GART: variants seen among roughly 807,000 people sequenced by gnomAD.
GART encodes the protein trifunctional purine biosynthetic protein adenosine-3.
In GART, 43 loss-of-function variants were observed where a neutral mutation model predicts 107.2. The observed-to-expected ratio is 0.40, with a 90% CI of 0.31 to 0.52. GART has a LOEUF of 0.52. Ranked by LOEUF, GART falls within the 20% of genes least tolerant of loss-of-function variation. The pLI is 0.52. For synonymous variants in GART, 434 were observed against 427.0 expected (o/e 1.02, Z -0.20); for missense variants, 1,107 against 1,206.5 (o/e 0.92, Z 1.22).
At chr21:33,516,847 G>T in intron 16 of GART, 142 bp downstream of exon 16, 1 of 660,174 alleles carries the variant, frequency 1.5e-6, no homozygotes, top group African/African-American at 1.8e-5. Context: ...GAAAAGGGTC[G>T]AGTTTTTCCC....
chr21:33,524,430 A>T (rs779115955), intron 11 of GART: 1 of 571,926 alleles, frequency 1.7e-6, no homozygotes, highest in East Asian at 1.4e-4. Context: ...CTGTGCCTGT[A>T]GTCCCAGCTA....
At chr21:33,518,130 G>A (rs1169289015) in intron 14 of GART, among the ~76,000 whole-genome samples, 1 of 152,138 alleles carries the variant, frequency 6.6e-6, no homozygotes, top group African/African-American at 2.4e-5. Flanking sequence ...TGGTTGAAAG[G>A]CAATTTTTGT....
intron 12 of GART, 32 bp from the exon 13 acceptor site, chr21:33,521,047 T>C: frequency 6.7e-7 from 1 of 1,502,868 alleles, no homozygotes; most frequent in Non-Finnish European, 9.2e-7. Context: ...ACTTGCTACA[T>C]TTTAATAGAT....
chr21:33,539,427 T>A, intron 1 of GART, 71 bp from the exon 2 acceptor site: 1 of 1,189,370 alleles, frequency 8.4e-7, no homozygotes, highest in Non-Finnish European at 1.2e-6. Context: ...GCACAGTGGC[T>A]CATGCCTGTA....
intron 11 of GART, among the ~76,000 whole-genome samples, chr21:33,523,702 C>T (rs1266420325): frequency 6.6e-6 from 1 of 152,022 alleles, no homozygotes; most frequent in Non-Finnish European, 1.5e-5. Flanking sequence ...CACGGTGGCT[C>T]ACGCCTGTAA....
Position 33,531,504 on chromosome 21 carries a change from G to T in GART, c.582C>A (p.Asp194Glu). 7.4e-6 allele frequency: 12 copies of T among 1,611,768 alleles called. No individual in the cohort carries two copies. Among genetic ancestry groups the T allele is most frequent in the Non-Finnish European group, 1.0e-5 (12 of 1,179,384 alleles). The change falls in exon 6 of 22, where the codon GAC becomes GAA. Residue 194 changes from aspartate (D) to glutamate (E), a missense_variant. Asp to Glu is a conservative substitution (Grantham distance 45, BLOSUM62 2). Transcript: ENST00000381815. ...GETIVIEELL[D>E]GEEVSCLCFT... ...ATATACATACCGACACCTCTTCTCCGTCAAGAAGTTCTTCAATGACAATTG... is the reference window on the plus strand; with the variant it reads ...ATATACATACCGACACCTCTTCTCCTTCAAGAAGTTCTTCAATGACAATTG...
At chr21:33,509,464 A>G (rs748533011) in intron 18 of GART, 5 of 214,602 alleles carry the variant, frequency 2.3e-5, no homozygotes, top group Non-Finnish European at 4.6e-5. Flanking sequence ...CTTCTAATTA[A>G]TAAGATAACA....
Position 33,517,805 on chromosome 21 carries a change from A to C in GART, c.1703-197T>G, listed in dbSNP as rs926695443. Among the ~76,000 whole-genome samples, 146 of 152,234 alleles carry C rather than the reference A, an allele frequency of 9.6e-4. 3 individuals carry two copies. Among genetic ancestry groups the C allele is most frequent in the Non-Finnish European group, 8.8e-5 (6 of 68,046 alleles). Reference sequence around the variant, plus strand: ...CAGGAGAAATAGCACTTGTTTCCACAAAGGGTGAGATTAGGTAGCACCTCT... The same window carrying C: ...CAGGAGAAATAGCACTTGTTTCCACCAAGGGTGAGATTAGGTAGCACCTCT... On this transcript the variant is annotated intron_variant, in intron 14 of 21. Coordinates refer to ENST00000381815, the MANE Select transcript of GART (RefSeq NM_000819.5).
chr21:33,530,992 GT>G (rs924741144), intron 6 of GART, 108 bp from the exon 7 acceptor site: 7,737 of 778,894 alleles, frequency 9.9e-3, no homozygotes, highest in South Asian at 0.014. Context: ...GGAAAAGTTT[GT>G]TTTTTTTTTT....
intron 10 of GART, among the ~76,000 whole-genome samples, chr21:33,525,306 TTTGAGGCTGCA>T (rs1303218672): frequency 1.3e-5 from 2 of 152,082 alleles, no homozygotes; most frequent in Non-Finnish European, 2.9e-5. Context: ...AATTTGGGAG[TTTGAGGCTGCA>T]GTGAGGTGTG....
chr21:33,506,453 A>T (rs1048833277), intron 18 of GART, among the ~76,000 whole-genome samples: 6 of 152,096 alleles, frequency 3.9e-5, no homozygotes, highest in African/African-American at 7.2e-5. Context: ...CACACTTTTT[A>T]AAAAAAGAGA....
At chr21:33,525,576 A>G (rs1366534983) in intron 10 of GART, among the ~76,000 whole-genome samples, 1 of 151,820 alleles carries the variant, frequency 6.6e-6, no homozygotes, top group Admixed American at 6.6e-5. Flanking sequence ...GACTACAGGA[A>G]TGTGCCACCA....
chr21:33,516,970 T>C lies in GART; in HGVS notation c.2107+19A>G, dbSNP rs753784780. 3 of 1,578,324 alleles carry C rather than the reference T, an allele frequency of 1.9e-6. No homozygotes were observed. The highest frequency in any genetic ancestry group is 1.7e-4 in the Middle Eastern group (1 of 5,892). ...TCCTCAGCAATTTTCTGAACAGAAG[T>C]TCGTTTTAGTGATCTTACCTAAATC... is the stretch of plus-strand genomic sequence containing the variant. On this transcript the variant is annotated intron_variant, in intron 16 of 21. Transcript: ENST00000381815.
At position 33,528,173 on chromosome 21, in the gene GART, T is replaced by C. The variant is rs752040454; in HGVS notation, c.1060A>G (p.Ile354Val). The C allele has an allele frequency of 1.7e-5, 28 of 1,613,252 alleles. 2 individuals are homozygous for C. In the South Asian group the frequency reaches 2.9e-4, roughly 16 times the overall value. Residue 354 changes from isoleucine to valine, a missense_variant, in exon 10 of 22, where the codon ATA becomes GTA. Ile to Val is a conservative substitution (Grantham distance 29). Coordinates refer to ENST00000381815, the MANE Select transcript of GART (RefSeq NM_000819.5). ...CTTGCTCCCTGACACTCACCTGTTA[T>C]CTCTACACCCTTGGTGTAGTCTCCA... ...YPGDYTKGVE[I>V]TGFPEAQALG... is the part of the protein sequence containing the mutation.
intron 18 of GART, 103 bp from the exon 19 acceptor site, chr21:33,506,207 G>A (rs1036262304): frequency 2.2e-5 from 29 of 1,304,636 alleles, no homozygotes; most frequent in Admixed American, 4.9e-5. Context: ...GCAGTGCCAC[G>A]ATCTGGGTTC....
chr21:33,535,176 TTC>T, intron 3 of GART, 47 bp downstream of exon 3: 1 of 1,159,332 alleles, frequency 8.6e-7, no homozygotes, highest in Non-Finnish European at 1.2e-6. Flanking sequence ...ATCCCTAAGC[TTC>T]TGTTTGCACT....
chr21:33,511,497 T>G (rs1300527181), intron 16 of GART, 39 bp from the exon 17 acceptor site: 1 of 1,582,262 alleles, frequency 6.3e-7, no homozygotes, highest in East Asian at 2.2e-5. Flanking sequence ...TTTTCCTACC[T>G]TCTCACACAA....
chr21:33,506,623 A>G (rs185613719), intron 18 of GART, among the ~76,000 whole-genome samples: 1 of 152,320 alleles, frequency 6.6e-6, no homozygotes. Context: ...CAACAAAGTA[A>G]GGAGACAACC....
chr21:33,517,342 C>T lies in GART; in HGVS notation c.1954+15G>A. 1 of 1,613,884 alleles carries T rather than the reference C, an allele frequency of 6.2e-7. No homozygotes were observed. Among genetic ancestry groups the T allele is most frequent in the South Asian group, 1.1e-5 (1 of 91,068 alleles). Reference sequence around the variant, plus strand: ...GCATTTCCAAGCAGGACAGTTTAAACATGAGGGAGTTTACCTAAAGTCTGG... The same window carrying T: ...GCATTTCCAAGCAGGACAGTTTAAATATGAGGGAGTTTACCTAAAGTCTGG... On this transcript the variant is annotated intron_variant, in intron 15 of 21. Coordinates refer to ENST00000381815, the MANE Select transcript of GART (RefSeq NM_000819.5).
Sources: gnomAD v4.1 joint callset for allele counts (sites outside exome capture counted in the v4.1 genomes callset) on GRCh38, gnomAD v4.1.1 for gene constraint, MANE v1.5 for transcripts, NCBI Gene and HGNC (gene_info 2026-07-23, HGNC 2026-07-21) for gene names.